Variants in PALS2 observed in about 807,000 individuals in gnomAD.
PALS2 encodes the protein protein PALS2.
In PALS2, 27 loss-of-function variants were observed where a neutral mutation model predicts 61.6. The ratio of observed to expected loss-of-function variants is 0.44; its 90% CI spans 0.32 to 0.60. The LOEUF is 0.60. Ranked by LOEUF, PALS2 falls within the 20% of genes least tolerant of loss-of-function variation. PALS2 has a pLI of 0.05. For missense variants in PALS2, 554 were observed against 639.4 expected, an observed-to-expected ratio of 0.87 and a Z score of 1.44; for synonymous variants, 236 against 218.6, an observed-to-expected ratio of 1.08 and a Z score of -0.70.
At chr7:24,607,695 ATT>A (rs1289963266) in intron 1 of PALS2, among the ~76,000 whole-genome samples, 1 of 151,484 alleles carries the variant, frequency 6.6e-6, no homozygotes, top group African/African-American at 2.4e-5. Context: ...GTGTATGTGT[ATT>A]TGTTTTTGGA....
At chr7:24,627,399 A>G (rs951189085) in intron 2 of PALS2, among the ~76,000 whole-genome samples, 1 of 152,264 alleles carries the variant, frequency 6.6e-6, no homozygotes, top group Non-Finnish European at 1.5e-5. Flanking sequence ...AAATGCCCAC[A>G]GGAGAAAGCA....
intron 1 of PALS2, among the ~76,000 whole-genome samples, chr7:24,581,439 T>TA (rs1782841953): frequency 1.3e-5 from 2 of 152,140 alleles, no homozygotes; most frequent in Non-Finnish European, 2.9e-5. Context: ...AATTAAGACA[T>TA]AGATATCTTG....
rs779046515 is a variant in PALS2, at chr7:24,679,242, A to AAT, written c.1229_1230dup (p.Glu411MetfsTer32). The AAT allele has an allele frequency of 6.2e-7, 1 of 1,614,012 alleles. No individual in the cohort carries two copies. The highest frequency in any genetic ancestry group is 1.3e-5 in the African/African-American group (1 of 75,038). On this transcript the variant is annotated frameshift_variant, in exon 10 of 12. Coordinates refer to ENST00000222644, the MANE Select transcript of PALS2 (RefSeq NM_001303037.2). LOFTEE classifies it high-confidence loss of function. ...GCTGGAAAGTATTTGGAACATGGGG[A>AAT]ATATGAAGGAAATCTCTATGGAACC... is the stretch of plus-strand genomic sequence containing the variant.
chr7:24,640,868 C>T (rs1562634131), intron 2 of PALS2, among the ~76,000 whole-genome samples: 1 of 151,888 alleles, frequency 6.6e-6, no homozygotes, highest in East Asian at 1.9e-4. Flanking sequence ...ATTAGCCAGG[C>T]TTGGTGGCGG....
intron 1 of PALS2, among the ~76,000 whole-genome samples, chr7:24,577,209 A>G (rs1037155475): frequency 1.3e-5 from 2 of 149,298 alleles, no homozygotes; most frequent in African/African-American, 4.9e-5. Context: ...ATCCTAGGTT[A>G]TTTTCCTTCT....
chr7:24,623,801 A>G lies in PALS2; in HGVS notation c.117+17A>G. The stretch of plus-strand genomic sequence containing the variant: ...CTTGCTAAGGTATATAGATTTATTC[A>G]TAAGATTACTGAATTATTTTGGACT... On this transcript the variant is annotated intron_variant, in intron 2 of 11. Transcript: ENST00000222644. The G allele has an allele frequency of 1.1e-5, 16 of 1,453,824 alleles. No individual in the cohort carries two copies. Among genetic ancestry groups the G allele is most frequent in the Admixed American group, 2.1e-5 (1 of 46,840 alleles). The allele number at this position is 1,453,824 out of a possible 1,614,324, so 90.1% of individuals were successfully genotyped here.
chr7:24,653,514 C>G (rs1364015889), intron 5 of PALS2, among the ~76,000 whole-genome samples: 1 of 152,058 alleles, frequency 6.6e-6, no homozygotes, highest in Non-Finnish European at 1.5e-5. Context: ...ACCCCAATAC[C>G]CCACGAAGTT....
chr7:24,665,264 A>G (rs1234560726), intron 6 of PALS2, among the ~76,000 whole-genome samples: 4 of 152,192 alleles, frequency 2.6e-5, no homozygotes, highest in African/African-American at 9.6e-5. Flanking sequence ...TGCTAGATAA[A>G]ATGTCCTGTT....
At chr7:24,613,239 T>TA (rs917951229) in intron 1 of PALS2, among the ~76,000 whole-genome samples, 20 of 151,728 alleles carry the variant, frequency 1.3e-4, no homozygotes, top group Admixed American at 2.0e-4. Flanking sequence ...TGCCTTTTTT[T>TA]AAAGAGAGGA....
chr7:24,660,737 C>T (rs1786674505), intron 5 of PALS2, among the ~76,000 whole-genome samples: 1 of 152,184 alleles, frequency 6.6e-6, no homozygotes, highest in Admixed American at 6.5e-5. Context: ...AATACATTCC[C>T]AGACATGGAT....
intron 2 of PALS2, among the ~76,000 whole-genome samples, chr7:24,624,599 A>ATTCTTCTTC (rs1374117864): frequency 1.6e-5 from 2 of 124,024 alleles, no homozygotes; most frequent in African/African-American, 7.1e-5. Context: ...AATGATGCAG[A>ATTCTTCTTC]TTCTTCTTTT....
At chr7:24,639,330 C>A (rs563315695) in intron 2 of PALS2, among the ~76,000 whole-genome samples, 82 of 152,156 alleles carry the variant, frequency 5.4e-4, no homozygotes, top group African/African-American at 1.9e-3. Flanking sequence ...TGTGAACTCA[C>A]GCAAATCACT....
chr7:24,591,616 A>C (rs577749782), intron 1 of PALS2, among the ~76,000 whole-genome samples: 6 of 152,272 alleles, frequency 3.9e-5, no homozygotes, highest in African/African-American at 1.4e-4. Context: ...CTCATTATTC[A>C]AGATAGTTAT....
intron 5 of PALS2, among the ~76,000 whole-genome samples, chr7:24,662,798 A>G (rs1375280010): frequency 7.9e-6 from 1 of 127,220 alleles, no homozygotes; most frequent in Non-Finnish European, 1.7e-5. Context: ...AAAAAAAAAG[A>G]AAGAAAGAAA....
At chr7:24,626,014 CTAATCA>C (rs1178424344) in intron 2 of PALS2, among the ~76,000 whole-genome samples, 1 of 151,964 alleles carries the variant, frequency 6.6e-6, no homozygotes, top group African/African-American at 2.4e-5. Flanking sequence ...TATCTGGCCA[CTAATCA>C]TGAGAAAAAC....
At chr7:24,646,779 C>A (rs1252761127) in intron 3 of PALS2, among the ~76,000 whole-genome samples, 1 of 152,098 alleles carries the variant, frequency 6.6e-6, no homozygotes, top group African/African-American at 2.4e-5. Context: ...TCCATCAGGT[C>A]CCAGGCTTTT....
At chr7:24,585,395 A>G (rs1044387822) in intron 1 of PALS2, among the ~76,000 whole-genome samples, 3 of 152,030 alleles carry the variant, frequency 2.0e-5, no homozygotes, top group African/African-American at 7.3e-5. Flanking sequence ...TGTAAGTTGG[A>G]TTCCTAGGTA....
intron 1 of PALS2, among the ~76,000 whole-genome samples, chr7:24,579,009 G>A (rs1000833518): frequency 6.6e-6 from 1 of 152,172 alleles, no homozygotes; most frequent in Non-Finnish European, 1.5e-5. Flanking sequence ...GATAATGGAG[G>A]AACTGGTAGA....
At position 24,619,255 on chromosome 7, in the gene PALS2, AT is replaced by A. The variant is rs1784404103; in HGVS notation, c.-2-4408del. ...TTTGTTTTTGTTTTCCTCTCTTTTTATTTGGTAGTAATTCTGTTTCTCTGGA... is the reference window on the plus strand; with the variant it reads ...TTTGTTTTTGTTTTCCTCTCTTTTTATTGGTAGTAATTCTGTTTCTCTGGA... On this transcript the variant is annotated intron_variant, in intron 1 of 11. Coordinates refer to ENST00000222644, the MANE Select transcript of PALS2 (RefSeq NM_001303037.2). 2.0e-5 allele frequency among the ~76,000 whole-genome samples: 3 copies of A among 151,346 alleles called. No individual in the cohort carries two copies. In the South Asian group the frequency reaches 6.3e-4, roughly 32 times the overall value.
Sources: allele counts gnomAD v4.1 joint callset (sites outside exome capture counted in the v4.1 genomes callset), GRCh38; gene constraint gnomAD v4.1.1; transcripts MANE v1.5; gene names NCBI Gene and HGNC (gene_info 2026-07-23, HGNC 2026-07-21).